Variants in CARS2 observed in about 807,000 individuals in gnomAD.
CARS2 encodes the protein cysteinyl-tRNA synthetase 2, mitochondrial.
Under a neutral mutation model 68.8 loss-of-function variants are expected in CARS2, and 52 were observed. The ratio of observed to expected loss-of-function variants is 0.76; its 90% CI spans 0.61 to 0.95. The LOEUF (loss-of-function observed/expected upper bound fraction) is 0.95, where lower values mean the gene tolerates loss of function less well. Ranked by LOEUF, CARS2 falls within the 40% of genes least tolerant of loss-of-function variation. The pLI, the probability that CARS2 is intolerant of heterozygous loss-of-function variation, is 0.00. For missense variants in CARS2, 780 were observed against 754.2 expected, an observed-to-expected ratio of 1.03 and a Z score of -0.40; for synonymous variants, 314 against 303.6, an observed-to-expected ratio of 1.03 and a Z score of -0.36.
chr13:110,649,757 C>T (rs1384377806), intron 10 of CARS2, among the ~76,000 whole-genome samples: 1 of 152,020 alleles, frequency 6.6e-6, no homozygotes, highest in Non-Finnish European at 1.5e-5. Context: ...AGAAGGACAG[C>T]AACCCTCGCT....
chr13:110,647,403 C>A (rs555508228), intron 10 of CARS2, among the ~76,000 whole-genome samples, 164 bp from the exon 11 acceptor site: 7 of 152,372 alleles, frequency 4.6e-5, no homozygotes, highest in African/African-American at 1.7e-4. Context: ...CCTAGGCCCA[C>A]TGGACACAGA....
chr13:110,655,237 A>G (rs2062335280), intron 9 of CARS2, among the ~76,000 whole-genome samples: 1 of 128,500 alleles, frequency 7.8e-6, no homozygotes, highest in South Asian at 2.3e-4. Context: ...CAGGTCTCAC[A>G]AACAAGCCCA....
chr13:110,690,446 C>T (rs1208305156), intron 3 of CARS2, among the ~76,000 whole-genome samples: 1 of 152,138 alleles, frequency 6.6e-6, no homozygotes, highest in Non-Finnish European at 1.5e-5. Flanking sequence ...AAATGCAGCC[C>T]ATTCCACACT....
chr13:110,657,252 G>A (rs965295951), intron 9 of CARS2, among the ~76,000 whole-genome samples: 5 of 152,222 alleles, frequency 3.3e-5, no homozygotes, highest in Middle Eastern at 3.2e-3. Context: ...TATTTTGTAT[G>A]TGCAGGTTTA....
At chr13:110,664,330 A>G (rs2139752175) in intron 8 of CARS2, 1 of 392,416 alleles carries the variant, frequency 2.5e-6, no homozygotes, top group Admixed American at 6.4e-5. Context: ...CAACATGGCA[A>G]CACCCGGTCT....
At chr13:110,708,896 G>C (rs1246513410), upstream of CARS2, among the ~76,000 whole-genome samples, 6 of 151,896 alleles carry the variant, frequency 4.0e-5, no homozygotes, top group East Asian at 1.9e-4. Context: ...TGGGATTACA[G>C]GTGCGTGCCA....
At chr13:110,713,292 T>G (rs1294821715) in exon 1 of CARS2, 13 of 1,275,882 alleles carry the variant, frequency 1.0e-5, no homozygotes, top group Non-Finnish European at 1.3e-5. Context: ...GTTGCGGTAG[T>G]TGCTGTGTAC....
chr13:110,642,708 G>A (rs778365603), intron 13 of CARS2, 187 bp from the exon 14 acceptor site: 1 of 763,740 alleles, frequency 1.3e-6, no homozygotes, highest in Non-Finnish European at 2.4e-6. Flanking sequence ...CTCTGGGCAA[G>A]GCTCCACTCA....
At chr13:110,692,561 CTTTTT>C (rs34307243) in intron 3 of CARS2, among the ~76,000 whole-genome samples, 1 of 132,490 alleles carries the variant, frequency 7.5e-6, no homozygotes, top group Non-Finnish European at 1.6e-5. Context: ...CCTATTCTTC[CTTTTT>C]TTTTTTTTTT....
chr13:110,674,295 C>T (rs1475759568), intron 7 of CARS2, among the ~76,000 whole-genome samples: 1 of 152,034 alleles, frequency 6.6e-6, no homozygotes, highest in East Asian at 1.9e-4. Flanking sequence ...CTGGAGGCAT[C>T]ATGCTACCTG....
chr13:110,695,816 T>C (rs941648585), intron 3 of CARS2, among the ~76,000 whole-genome samples: 1 of 151,428 alleles, frequency 6.6e-6, no homozygotes, highest in Non-Finnish European at 1.5e-5. Context: ...CTGGGACACA[T>C]GTACAGAAAG....
chr13:110,686,942 T>C (rs1016131581), intron 5 of CARS2, among the ~76,000 whole-genome samples: 1 of 151,648 alleles, frequency 6.6e-6, no homozygotes, highest in African/African-American at 2.4e-5. Flanking sequence ...TGGTGTGATC[T>C]CGGCTCACTG....
chr13:110,706,144 C>T (rs753979293), upstream of CARS2: 4 of 1,225,558 alleles, frequency 3.3e-6, no homozygotes, highest in African/African-American at 1.6e-5. Flanking sequence ...ACGCCGGGTA[C>T]GCTGCCGGTC....
At chr13:110,646,339 C>G (rs530355392) in intron 11 of CARS2, 2 of 379,990 alleles carry the variant, frequency 5.3e-6, no homozygotes, top group South Asian at 5.4e-5. Context: ...ACAAGACACA[C>G]GTGGGCATTT....
intron 9 of CARS2, among the ~76,000 whole-genome samples, chr13:110,651,541 C>A (rs557902569): frequency 6.6e-6 from 1 of 152,194 alleles, no homozygotes; most frequent in Non-Finnish European, 1.5e-5. Flanking sequence ...ACGTCAGACC[C>A]GGCTGACCTC....
chr13:110,712,964 C>G (rs1009272237), intron 1 of CARS2: 1 of 1,559,982 alleles, frequency 6.4e-7, no homozygotes, highest in Admixed American at 1.9e-5. Context: ...AGTGGTGGTC[C>G]GGCCGCGGAA....
At chr13:110,689,344 C>T (rs1326237179) in intron 3 of CARS2, among the ~76,000 whole-genome samples, 1 of 152,218 alleles carries the variant, frequency 6.6e-6, no homozygotes, top group Non-Finnish European at 1.5e-5. Flanking sequence ...CTCCCCATTT[C>T]ACAGGTGAAG....
chr13:110,689,115 C>A (rs2063386091), intron 3 of CARS2, among the ~76,000 whole-genome samples: 1 of 152,184 alleles, frequency 6.6e-6, no homozygotes. Context: ...GCCACATTAT[C>A]CAAGGAGGCT....
chr13:110,669,679 A>C (rs897102378), intron 7 of CARS2, among the ~76,000 whole-genome samples: 1 of 152,090 alleles, frequency 6.6e-6, no homozygotes, highest in South Asian at 2.1e-4. Context: ...CTGCATTTCC[A>C]ACTGAGGTAC....
Sources: gnomAD v4.1 joint callset for allele counts (sites outside exome capture counted in the v4.1 genomes callset) on GRCh38, gnomAD v4.1.1 for gene constraint, MANE v1.5 for transcripts, NCBI Gene and HGNC (gene_info 2026-07-23, HGNC 2026-07-21) for gene names.